CACNA1B: variants seen among roughly 807,000 people sequenced by gnomAD.
CACNA1B encodes the protein voltage-dependent N-type calcium channel subunit alpha-1B.
In CACNA1B, 70 loss-of-function variants were observed where a neutral mutation model predicts 247.2. The observed-to-expected ratio is 0.28, with a 90% CI of 0.23 to 0.35. CACNA1B has a LOEUF of 0.35. Ranked by LOEUF, CACNA1B falls within the 10% of genes least tolerant of loss-of-function variation. The pLI is 1.00. For synonymous variants in CACNA1B, 1,231 were observed against 1,294.4 expected, an observed-to-expected ratio of 0.95 and a Z score of 1.05; for missense variants, 2,367 against 3,197.4, an observed-to-expected ratio of 0.74 and a Z score of 6.26.
chr9:138,077,694 G>A (rs1960375184), intron 35 of CACNA1B, among the ~76,000 whole-genome samples: 1 of 152,192 alleles, frequency 6.6e-6, no homozygotes, highest in Non-Finnish European at 1.5e-5. Context: ...GAAGGCAGAT[G>A]ATCTGATGAA....
At chr9:138,045,460 G>C (rs1394347959) in intron 21 of CACNA1B, among the ~76,000 whole-genome samples, 1 of 152,186 alleles carries the variant, frequency 6.6e-6, no homozygotes, top group East Asian at 1.9e-4. Flanking sequence ...GAATTTTAGA[G>C]GCAGAATCTA....
chr9:138,089,406 A>G (rs1225772052), intron 36 of CACNA1B, among the ~76,000 whole-genome samples: 2 of 152,250 alleles, frequency 1.3e-5, no homozygotes, highest in Non-Finnish European at 2.9e-5. Context: ...CATCAACAGA[A>G]TGAAGGACAA....
intron 20 of CACNA1B, among the ~76,000 whole-genome samples, chr9:138,034,248 C>T (rs149377973): frequency 2.6e-4 from 40 of 152,196 alleles, no homozygotes; most frequent in African/African-American, 9.2e-4. Flanking sequence ...CTGGGTGAGA[C>T]GTGACGTCTA....
intron 6 of CACNA1B, among the ~76,000 whole-genome samples, chr9:137,946,630 G>C (rs1027967196): frequency 6.6e-6 from 1 of 152,068 alleles, no homozygotes; most frequent in Admixed American, 6.6e-5. Flanking sequence ...AAGGACTCAG[G>C]TCCCTCATGT....
chr9:137,951,156 G>A (rs909843946), intron 6 of CACNA1B, among the ~76,000 whole-genome samples: 7 of 152,218 alleles, frequency 4.6e-5, no homozygotes, highest in East Asian at 1.9e-4. Flanking sequence ...ATGTGAGTCC[G>A]GACAGAGGTG....
chr9:138,099,596 G>A (rs1021606222), intron 37 of CACNA1B, among the ~76,000 whole-genome samples: 2 of 150,930 alleles, frequency 1.3e-5, no homozygotes, highest in African/African-American at 4.9e-5. Flanking sequence ...GCCTGTGGGT[G>A]TGCACGTGCC....
At chr9:138,023,919 C>T in intron 19 of CACNA1B, 108 bp downstream of exon 19, 2 of 626,182 alleles carry the variant, frequency 3.2e-6, no homozygotes, top group Admixed American at 5.6e-5. Flanking sequence ...GCAGCCCCGG[C>T]CACGCTGCCA....
intron 11 of CACNA1B, among the ~76,000 whole-genome samples, chr9:137,975,584 C>G (rs1345719394): frequency 6.6e-6 from 1 of 152,206 alleles, no homozygotes. Flanking sequence ...AGGACCTCCT[C>G]TGGTGAGGAG....
intron 20 of CACNA1B, among the ~76,000 whole-genome samples, chr9:138,026,334 A>G (rs1958920747): frequency 6.6e-6 from 1 of 151,562 alleles, no homozygotes; most frequent in Non-Finnish European, 1.5e-5. Flanking sequence ...CAGCTCCCTC[A>G]CCTGATTCTC....
At chr9:137,901,973 G>A (rs865885264) in intron 3 of CACNA1B, among the ~76,000 whole-genome samples, 5 of 152,198 alleles carry the variant, frequency 3.3e-5, no homozygotes, top group African/African-American at 1.2e-4. Flanking sequence ...TTACAGGCGT[G>A]AGCCACTGCA....
rs768019617 is a variant in CACNA1B, at chr9:138,059,352, C to G, written c.4584+163C>G. Among the ~76,000 whole-genome samples the G allele has an allele frequency of 6.6e-6, 1 of 152,138 alleles. No homozygotes were observed. The highest frequency in any genetic ancestry group is 2.4e-5 in the African/African-American group (1 of 41,430). On this transcript the variant is annotated intron_variant, in intron 30 of 46. Transcript: ENST00000371372. This position sits in a 1 kb window ranked among gnomAD's most constrained non-coding sequence, Gnocchi z 4.2. ...CTGGGGAAGGGGCTGTTCTGAGACT[C>G]TTGGCTACATAAGCTCTGCCCCCAG... is the stretch of plus-strand genomic sequence containing the variant.
At chr9:138,070,699 C>A (rs963246158) in intron 32 of CACNA1B, among the ~76,000 whole-genome samples, 1 of 152,248 alleles carries the variant, frequency 6.6e-6, no homozygotes, top group Non-Finnish European at 1.5e-5. Context: ...GTCATCTGCA[C>A]GCATCCAGCT....
intron 3 of CACNA1B, among the ~76,000 whole-genome samples, chr9:137,900,618 T>C (rs925879857): frequency 3.3e-5 from 5 of 151,220 alleles, no homozygotes; most frequent in African/African-American, 1.2e-4. Flanking sequence ...TCTCTGTGTC[T>C]GTGTATGTGT....
At chr9:138,013,979 C>T (rs1450399856) in intron 18 of CACNA1B, among the ~76,000 whole-genome samples, 1 of 152,254 alleles carries the variant, frequency 6.6e-6, no homozygotes, top group African/African-American at 2.4e-5. Flanking sequence ...TGGCTGCATG[C>T]CCACCCCCCA....
In CACNA1B at chr9:137,877,808, T is replaced by TGGGGCCGGGCG. The variant is rs1956853096; in HGVS notation, c.-125_-115dup. Reference sequence around the variant, plus strand: ...GGTGAGGCGGCGGCGGCTGCGGCGGTGGGGCCGGGCGAGGTCCGCTGCGGT... The same window carrying TGGGGCCGGGCG: ...GGTGAGGCGGCGGCGGCTGCGGCGGTGGGGCCGGGCGGGGGCCGGGCGAGGTCCGCTGCGGT... On this transcript the variant is annotated 5_prime_UTR_variant, in exon 1 of 47. Transcript: ENST00000371372. The TGGGGCCGGGCG allele has an allele frequency of 2.5e-6, 1 of 404,882 alleles. No individual in the cohort carries two copies. Among genetic ancestry groups the TGGGGCCGGGCG allele is most frequent in the Non-Finnish European group, 3.3e-6 (1 of 301,212 alleles). The allele number at this position is 404,882 out of a possible 1,614,324, so 25.1% of individuals were successfully genotyped here.
chr9:138,060,218 T>C (rs886164836), intron 31 of CACNA1B, among the ~76,000 whole-genome samples: 2 of 152,180 alleles, frequency 1.3e-5, no homozygotes, highest in African/African-American at 4.8e-5. Flanking sequence ...GATATAAACT[T>C]GTCTCAACAA....
chr9:137,946,455 A>G (rs1332655061), intron 6 of CACNA1B, among the ~76,000 whole-genome samples: 1 of 152,190 alleles, frequency 6.6e-6, no homozygotes, highest in Non-Finnish European at 1.5e-5. Flanking sequence ...GAGTATAACC[A>G]GGAAAGACAG....
At chr9:137,932,818 T>G (rs1957622873) in intron 6 of CACNA1B, among the ~76,000 whole-genome samples, 1 of 152,254 alleles carries the variant, frequency 6.6e-6, no homozygotes, top group African/African-American at 2.4e-5. Context: ...ACAGGTTATC[T>G]AAATGATGCG....
In CACNA1B at chr9:137,913,162, TCTC is replaced by T. The variant is rs758997238; in HGVS notation, c.531-15_531-13del. On this transcript the variant is annotated splice_polypyrimidine_tract_variant and intron_variant, in intron 3 of 46. Coordinates refer to ENST00000371372, the MANE Select transcript of CACNA1B (RefSeq NM_000718.4). The surrounding 1 kb of genome is among the most constrained non-coding windows in gnomAD (Gnocchi z 5.2). ...ATGTGGAAACCTTTACTTCCCTTCT[TCTC>T]CTTGTTTCTGCCAGGATCCTTGCCA... 3 of 1,608,688 alleles carry T rather than the reference TCTC, an allele frequency of 1.9e-6. No individual in the cohort carries two copies. In the South Asian group the frequency reaches 3.3e-5, roughly 18 times the overall value.
Sources: gnomAD v4.1 joint callset for allele counts (sites outside exome capture counted in the v4.1 genomes callset) on GRCh38, gnomAD v4.1.1 for gene constraint, Gnocchi (gnomAD v3.1) non-coding constraint, MANE v1.5 for transcripts, NCBI Gene and HGNC (gene_info 2026-07-23, HGNC 2026-07-21) for gene names.